Variants in IL23R observed in about 807,000 individuals in gnomAD.
The protein encoded by IL23R is interleukin-23 receptor.
In IL23R, 34 loss-of-function variants were observed where a neutral mutation model predicts 56.9. The ratio of observed to expected loss-of-function variants is 0.60; its 90% CI spans 0.45 to 0.80. The LOEUF is 0.80. IL23R is among the 30% of genes least tolerant of loss of function. The probability of loss-of-function intolerance (pLI) is 0.00; values close to 1 mark genes in which losing one functional copy is unlikely to be tolerated. For synonymous variants in IL23R, 230 were observed against 249.2 expected (o/e 0.92, Z 0.73); for missense variants, 635 against 730.0 (o/e 0.87, Z 1.50).
intron 5 of IL23R, among the ~76,000 whole-genome samples, 193 bp from the exon 6 acceptor site, chr1:67,206,717 T>A (rs2102636561): frequency 6.6e-6 from 1 of 152,118 alleles, no homozygotes; most frequent in African/African-American, 2.4e-5. Flanking sequence ...GAATAGAATT[T>A]TCCTTAACAG....
chr1:67,230,058 G>A (rs1415014447), intron 7 of IL23R, among the ~76,000 whole-genome samples: 2 of 152,242 alleles, frequency 1.3e-5, no homozygotes, highest in Non-Finnish European at 2.9e-5. Context: ...CCTAGGAAAA[G>A]TCTGGCGAGG....
At chr1:67,212,169 C>G (rs1409427048) in intron 6 of IL23R, among the ~76,000 whole-genome samples, 5 of 152,164 alleles carry the variant, frequency 3.3e-5, no homozygotes, top group Non-Finnish European at 2.9e-5. Context: ...CTCAGTCAAT[C>G]TACCACGTTT....
intron 6 of IL23R, among the ~76,000 whole-genome samples, chr1:67,207,945 C>A (rs1649199657): frequency 6.6e-6 from 1 of 152,106 alleles, no homozygotes; most frequent in South Asian, 2.1e-4. Context: ...TGGCTTTGCC[C>A]AAAATGCTGA....
At chr1:67,251,707 AG>A (rs1205290103) in intron 9 of IL23R, among the ~76,000 whole-genome samples, 1 of 152,184 alleles carries the variant, frequency 6.6e-6, no homozygotes, top group Non-Finnish European at 1.5e-5. Flanking sequence ...AAGTTCCCAC[AG>A]GTATCAAACC....
In IL23R at chr1:67,222,356, A is replaced by C. The variant is rs148288934; in HGVS notation, c.955+2626A>C. Reference sequence around the variant, plus strand: ...GGTCTCGAACTCACGACCTCAGGTGATCCGCCCGCTTTGGCCTCCCAAAGT... The same window carrying C: ...GGTCTCGAACTCACGACCTCAGGTGCTCCGCCCGCTTTGGCCTCCCAAAGT... On this transcript the variant is annotated intron_variant, in intron 7 of 10. Coordinates refer to ENST00000347310, the MANE Select transcript of IL23R (RefSeq NM_144701.3). Among the ~76,000 whole-genome samples the C allele has an allele frequency of 3.4e-3, 520 of 152,136 alleles. 3 individuals carry two copies. Among genetic ancestry groups the C allele is most frequent in the African/African-American group, 0.012 (488 of 41,532 alleles).
At chr1:67,257,470 T>C (rs573605011) in intron 10 of IL23R, among the ~76,000 whole-genome samples, 4 of 152,058 alleles carry the variant, frequency 2.6e-5, no homozygotes, top group Admixed American at 1.3e-4. Context: ...TCAAATAACA[T>C]CACATTGGCT....
intron 4 of IL23R, among the ~76,000 whole-genome samples, chr1:67,192,616 C>T (rs1291978587): frequency 6.6e-6 from 1 of 152,138 alleles, no homozygotes; most frequent in East Asian, 1.9e-4. Context: ...AAACCAAACA[C>T]CCAGTTTCCT....
At chr1:67,154,565 A>C (rs1173222194) in intron 1 of IL23R, among the ~76,000 whole-genome samples, 1 of 151,990 alleles carries the variant, frequency 6.6e-6, no homozygotes, top group Non-Finnish European at 1.5e-5. Flanking sequence ...GTTTTATTAG[A>C]AACTAGGATT....
intron 4 of IL23R, among the ~76,000 whole-genome samples, chr1:67,193,331 T>C (rs1370908069): frequency 6.6e-6 from 1 of 152,242 alleles, no homozygotes; most frequent in African/African-American, 2.4e-5. Flanking sequence ...AGATTCTATA[T>C]TTATTTGTTT....
chr1:67,210,990 G>A (rs1447184331), intron 6 of IL23R, among the ~76,000 whole-genome samples: 2 of 151,984 alleles, frequency 1.3e-5, no homozygotes, highest in East Asian at 3.9e-4. Flanking sequence ...AGAAGATGGG[G>A]GCAAAACTAT....
At chr1:67,228,272 G>A (rs938605806) in intron 7 of IL23R, among the ~76,000 whole-genome samples, 4 of 146,958 alleles carry the variant, frequency 2.7e-5, no homozygotes, top group Non-Finnish European at 6.0e-5. Flanking sequence ...CAGCTCATAA[G>A]ATCTGGGCTC....
At chr1:67,214,412 T>C (rs1175093690) in intron 6 of IL23R, among the ~76,000 whole-genome samples, 1 of 152,256 alleles carries the variant, frequency 6.6e-6, no homozygotes, top group Non-Finnish European at 1.5e-5. Flanking sequence ...CCTATTTATA[T>C]AATGGAGCTA....
intron 4 of IL23R, among the ~76,000 whole-genome samples, chr1:67,192,936 T>C (rs1396469907): frequency 1.3e-5 from 2 of 152,206 alleles, no homozygotes; most frequent in Non-Finnish European, 2.9e-5. Context: ...CTTCTGCTCA[T>C]GAACCTCCCA....
chr1:67,253,322 G>A (rs547929180), intron 9 of IL23R, among the ~76,000 whole-genome samples: 74 of 152,218 alleles, frequency 4.9e-4, no homozygotes, highest in African/African-American at 1.8e-3. Flanking sequence ...CAAGACCCTT[G>A]GATTTCTAAA....
rs1334757949 is a variant in IL23R at position 67,258,894 on chromosome 1, A to G, written c.1656A>G (p.Ile552Met). The change falls in exon 11 of 11, where the codon ATA (isoleucine) becomes ATG (methionine). Residue 552 changes from isoleucine (I) to methionine (M), a missense_variant. Ile to Met is a conservative substitution (Grantham distance 10). Coordinates refer to ENST00000347310, the MANE Select transcript of IL23R (RefSeq NM_144701.3). Reference protein sequence around the residue: ...NTIFLGELSLILNQGECSSPD... With the variant: ...NTIFLGELSLMLNQGECSSPD... The stretch of plus-strand genomic sequence containing the variant: ...TATTTCTTGGAGAATTAAGCCTCAT[A>G]TTAAATCAAGGAGAATGCAGTTCTC... 1 of 1,614,120 alleles carries G rather than the reference A, an allele frequency of 6.2e-7. No individual in the cohort carries two copies.
At chr1:67,218,344 G>GTATA (rs1442917635) in intron 6 of IL23R, among the ~76,000 whole-genome samples, 6 of 140,832 alleles carry the variant, frequency 4.3e-5, no homozygotes, top group African/African-American at 1.6e-4. Context: ...GTGTGTGTGT[G>GTATA]TGTGTGTGTG....
chr1:67,153,644 G>T (rs956496242), intron 1 of IL23R, among the ~76,000 whole-genome samples: 6 of 152,100 alleles, frequency 3.9e-5, no homozygotes, highest in South Asian at 2.1e-4. Flanking sequence ...CTGGTACATT[G>T]TCTCTCTGTT....
chr1:67,195,631 C>CGCTG (rs1193999684), intron 4 of IL23R, among the ~76,000 whole-genome samples: 15 of 152,002 alleles, frequency 9.9e-5, no homozygotes, highest in South Asian at 2.1e-4. Flanking sequence ...AGTGATCTCA[C>CGCTG]GCTGGTATGA....
At chr1:67,202,270 C>T (rs1215569900) in intron 5 of IL23R, among the ~76,000 whole-genome samples, 1 of 152,206 alleles carries the variant, frequency 6.6e-6, no homozygotes, top group Non-Finnish European at 1.5e-5. Flanking sequence ...TGCACAATCT[C>T]GGCTCACTGC....
Sources: allele counts gnomAD v4.1 joint callset (sites outside exome capture counted in the v4.1 genomes callset), GRCh38; gene constraint gnomAD v4.1.1; transcripts MANE v1.5; gene names NCBI Gene and HGNC (gene_info 2026-07-23, HGNC 2026-07-21).